The following TRUB1 variants were observed in gnomAD, a reference collection of about 807,000 sequenced individuals.
TRUB1 encodes pseudouridylate synthase TRUB1.
TRUB1 carries 23 observed loss-of-function variants against 33.9 expected under a neutral mutation model. The ratio of observed to expected loss-of-function variants is 0.68; its 90% CI spans 0.49 to 0.96. The LOEUF (loss-of-function observed/expected upper bound fraction) is 0.96, where lower values mean the gene tolerates loss of function less well. Ranked by LOEUF, TRUB1 falls within the 40% of genes least tolerant of loss-of-function variation. The pLI is 0.00. For missense variants in TRUB1, 378 were observed against 422.2 expected (o/e 0.90, Z 0.92); for synonymous variants, 163 against 165.4 (o/e 0.99, Z 0.11).
Position 114,938,343 on chromosome 10 carries a change from A to G in TRUB1, c.90A>G (p.Ala30=). 1 of 1,607,574 alleles carries G rather than the reference A, an allele frequency of 6.2e-7. No homozygotes were observed. The highest frequency in any genetic ancestry group is 8.5e-7 in the Non-Finnish European group (1 of 1,177,444). ...TTGAAACTGCAGGAACGGTCGCAGC[A>G]ATGGCTGCGACCCCGTCAGCAAGGG... The part of the protein sequence containing the change: ...PVLETAGTVA[A]MAATPSARAA... Residue 30 remains alanine, a synonymous_variant, in exon 1 of 8, where the codon GCA becomes GCG. Transcript: ENST00000298746.
chr10:114,946,377 T>C (rs1330426651), intron 2 of TRUB1, among the ~76,000 whole-genome samples: 1 of 152,196 alleles, frequency 6.6e-6, no homozygotes, highest in Non-Finnish European at 1.5e-5. Flanking sequence ...GTCTTGCTCT[T>C]GTTGTCCAGG....
At chr10:114,966,619 TA>T (rs1329902487) in intron 4 of TRUB1, among the ~76,000 whole-genome samples, 3 of 152,214 alleles carry the variant, frequency 2.0e-5, no homozygotes, top group Non-Finnish European at 4.4e-5. Flanking sequence ...ACCCATGAAA[TA>T]AGATATCTCT....
chr10:114,969,714 T>A (rs2084326878), intron 4 of TRUB1: 1 of 150,228 alleles, frequency 6.7e-6, no homozygotes. Flanking sequence ...ACTGGCTTAT[T>A]TTTGAGGCCG....
At chr10:114,953,105 T>C (rs1018450822) in intron 3 of TRUB1, among the ~76,000 whole-genome samples, 48 of 152,202 alleles carry the variant, frequency 3.2e-4, no homozygotes, top group Admixed American at 6.5e-4. Flanking sequence ...CACTATATAT[T>C]ACTGAAAGAT....
Position 114,975,563 on chromosome 10 carries a change from C to A in TRUB1, c.*184C>A. Reference sequence around the variant, plus strand: ...TTTCTATGCATTATAAATGGCCTTGCAGTTGGCTCAGTTGTTTGTTGTGTT... The same window carrying A: ...TTTCTATGCATTATAAATGGCCTTGAAGTTGGCTCAGTTGTTTGTTGTGTT... On this transcript the variant is annotated 3_prime_UTR_variant, in exon 8 of 8. Transcript: ENST00000298746. The A allele has an allele frequency of 2.0e-6, 1 of 490,516 alleles. No individual in the cohort carries two copies. The highest frequency in any genetic ancestry group is 4.8e-5 in the South Asian group (1 of 20,828). The allele number at this position is 490,516 out of a possible 1,614,324, so 30.4% of individuals were successfully genotyped here. A position where few individuals can be genotyped will look rare whatever the true frequency, so the allele number is the denominator to read the frequency against.
chr10:114,963,748 T>C (rs1386694849), intron 4 of TRUB1, among the ~76,000 whole-genome samples: 1 of 152,232 alleles, frequency 6.6e-6, no homozygotes, highest in Non-Finnish European at 1.5e-5. Context: ...TCTAAATTCT[T>C]CCACTTATTA....
At chr10:114,957,294 C>T (rs1307530301) in intron 3 of TRUB1, among the ~76,000 whole-genome samples, 1 of 152,148 alleles carries the variant, frequency 6.6e-6, no homozygotes, top group African/African-American at 2.4e-5. Context: ...GATATGAGAG[C>T]TCAGTGAGAT....
At chr10:114,939,916 T>C (rs2084178718) in intron 1 of TRUB1, among the ~76,000 whole-genome samples, 1 of 151,868 alleles carries the variant, frequency 6.6e-6, no homozygotes, top group South Asian at 2.1e-4. Flanking sequence ...CTGGCTAATC[T>C]GCCTCTAAGA....
chr10:114,966,652 A>G (rs1433464298), intron 4 of TRUB1, among the ~76,000 whole-genome samples: 1 of 152,178 alleles, frequency 6.6e-6, no homozygotes, highest in Non-Finnish European at 1.5e-5. Flanking sequence ...TAGGTCTTTT[A>G]TAGCCATATT....
chr10:114,953,660 A>C (rs1056203930), intron 3 of TRUB1, among the ~76,000 whole-genome samples: 1 of 152,188 alleles, frequency 6.6e-6, no homozygotes, highest in African/African-American at 2.4e-5. Context: ...GTGTTGCTGT[A>C]AAGGAGTAGT....
intron 1 of TRUB1, among the ~76,000 whole-genome samples, chr10:114,939,881 T>C (rs2084178549): frequency 6.6e-6 from 1 of 151,754 alleles, no homozygotes; most frequent in East Asian, 1.9e-4. Flanking sequence ...CAGACAAGTT[T>C]CTGACAAAGC....
chr10:114,958,700 A>G (rs1282400928), intron 3 of TRUB1, among the ~76,000 whole-genome samples: 1 of 152,244 alleles, frequency 6.6e-6, no homozygotes, highest in Non-Finnish European at 1.5e-5. Context: ...AGTACGTACT[A>G]CAAGTGTGTC....
chr10:114,960,788 C>T (rs1278811038), intron 4 of TRUB1, among the ~76,000 whole-genome samples: 1 of 152,000 alleles, frequency 6.6e-6, no homozygotes, highest in East Asian at 1.9e-4. Context: ...TGAAAGCCAG[C>T]TATAACCTTC....
At position 114,972,168 on chromosome 10, in the gene TRUB1, T is replaced by C; in HGVS notation, c.630T>C (p.Leu210=). The C allele has an allele frequency of 6.2e-7, 1 of 1,613,646 alleles. No individual in the cohort carries two copies. Among genetic ancestry groups the C allele is most frequent in the Non-Finnish European group, 8.5e-7 (1 of 1,179,758 alleles). The change falls in exon 6 of 8, where the codon CTT becomes CTC. Residue 210 remains leucine, a synonymous_variant. Transcript: ENST00000298746. The part of the protein sequence containing the change: ...YSALKKDGQR[L]STLMKRGEVV... ...CATTAAAGAAAGATGGACAAAGACTTTCGACTTTGATGAAGAGAGGTGAAG... is the reference window on the plus strand; with the variant it reads ...CATTAAAGAAAGATGGACAAAGACTCTCGACTTTGATGAAGAGAGGTGAAG...
intron 1 of TRUB1, among the ~76,000 whole-genome samples, chr10:114,942,136 G>A (rs1403638207): frequency 2.0e-5 from 3 of 152,180 alleles, no homozygotes; most frequent in South Asian, 2.1e-4. Context: ...AGGAGACAGC[G>A]AATGCAGGGA....
intron 3 of TRUB1, 127 bp from the exon 4 acceptor site, chr10:114,959,599 T>G (rs2084276567): frequency 1.5e-6 from 1 of 675,078 alleles, no homozygotes; most frequent in Admixed American, 2.7e-5. Context: ...AATTGCAGTC[T>G]GTTGTTTTAG....
chr10:114,962,808 G>A (rs1407735230), intron 4 of TRUB1, among the ~76,000 whole-genome samples: 1 of 152,144 alleles, frequency 6.6e-6, no homozygotes, highest in Admixed American at 6.5e-5. Context: ...TGTATTTTTG[G>A]TGTGGTATAC....
intron 2 of TRUB1, among the ~76,000 whole-genome samples, chr10:114,950,680 T>G (rs1264699001): frequency 6.6e-6 from 1 of 152,256 alleles, no homozygotes; most frequent in Non-Finnish European, 1.5e-5. Flanking sequence ...TCATTAGCTG[T>G]GATAATGGCT....
chr10:114,956,705 A>G (rs12260118), intron 3 of TRUB1, among the ~76,000 whole-genome samples: 18 of 152,238 alleles, frequency 1.2e-4, no homozygotes, highest in African/African-American at 4.1e-4. Context: ...CCACAAATAC[A>G]TGGTAGAGTT....
Sources: gnomAD v4.1 joint callset for allele counts (sites outside exome capture counted in the v4.1 genomes callset) on GRCh38, gnomAD v4.1.1 for gene constraint, MANE v1.5 for transcripts, NCBI Gene and HGNC (gene_info 2026-07-23, HGNC 2026-07-21) for gene names.